TCEA1: variants seen among roughly 807,000 people sequenced by gnomAD.
The protein encoded by TCEA1 is transcription elongation factor A1.
Under a neutral mutation model 43.8 loss-of-function variants are expected in TCEA1, and 21 were observed. That is an observed-to-expected ratio of 0.48 (90% CI 0.34 to 0.69). TCEA1 has a LOEUF of 0.69. TCEA1 is among the 30% of genes least tolerant of loss of function. The probability of loss-of-function intolerance (pLI) is 0.01; values close to 1 mark genes in which losing one functional copy is unlikely to be tolerated. For synonymous variants in TCEA1, 104 were observed against 117.5 expected, an observed-to-expected ratio of 0.88 and a Z score of 0.75; for missense variants, 250 against 365.1, an observed-to-expected ratio of 0.68 and a Z score of 2.57.
chr8:53,973,470 G>A, intron 8 of TCEA1: 1 of 497,366 alleles, frequency 2.0e-6, no homozygotes, highest in South Asian at 1.7e-5. Context: ...CTTTGCTAAA[G>A]AAGTTTAAAA....
intron 2 of TCEA1, among the ~76,000 whole-genome samples, chr8:54,003,380 A>T (rs1291337734): frequency 1.3e-5 from 2 of 152,182 alleles, no homozygotes; most frequent in Non-Finnish European, 2.9e-5. Context: ...TAAAGTCCAT[A>T]CAGAAATGCA....
intron 3 of TCEA1, among the ~76,000 whole-genome samples, chr8:53,994,087 C>T (rs1803968815): frequency 6.6e-6 from 1 of 152,224 alleles, no homozygotes; most frequent in South Asian, 2.1e-4. Context: ...TGCAGTGGCT[C>T]ACGCCTGTAA....
chr8:54,012,873 A>C (rs1563516181), intron 1 of TCEA1, among the ~76,000 whole-genome samples: 1 of 151,610 alleles, frequency 6.6e-6, no homozygotes, highest in Non-Finnish European at 1.5e-5. Flanking sequence ...GCTTGAGATT[A>C]CATGAACCAT....
intron 2 of TCEA1, among the ~76,000 whole-genome samples, chr8:54,006,578 C>T (rs748245313): frequency 6.6e-6 from 1 of 152,182 alleles, no homozygotes; most frequent in Admixed American, 6.5e-5. Flanking sequence ...AATATTAACC[C>T]TATCCAACCT....
chr8:54,002,553 G>T (rs560587521), intron 2 of TCEA1, among the ~76,000 whole-genome samples: 19 of 148,688 alleles, frequency 1.3e-4, no homozygotes, highest in African/African-American at 3.9e-4. Context: ...TTTTTCCTTT[G>T]GGGGTACCAT....
intron 2 of TCEA1, among the ~76,000 whole-genome samples, chr8:54,005,286 T>C (rs1480502970): frequency 6.6e-6 from 1 of 152,208 alleles, no homozygotes; most frequent in Middle Eastern, 3.2e-3. Flanking sequence ...TTCCGTTCCT[T>C]AGTCATATTT....
chr8:54,012,612 G>C (rs1320358699), intron 1 of TCEA1, among the ~76,000 whole-genome samples: 1 of 152,166 alleles, frequency 6.6e-6, no homozygotes, highest in African/African-American at 2.4e-5. Flanking sequence ...GGTTGCTGAA[G>C]TGCCCAAATC....
intron 1 of TCEA1, 91 bp downstream of exon 1, chr8:54,021,972 G>T: frequency 8.0e-7 from 1 of 1,251,606 alleles, no homozygotes; most frequent in Non-Finnish European, 1.0e-6. Flanking sequence ...GGCTGCAGGG[G>T]GAGGGGAGGG....
At chr8:53,977,234 G>A (rs952133821) in intron 8 of TCEA1, among the ~76,000 whole-genome samples, 2 of 152,276 alleles carry the variant, frequency 1.3e-5, no homozygotes, top group East Asian at 1.9e-4. Context: ...GCAGGAGAAC[G>A]GCGTGAACCC....
chr8:53,993,501 A>G (rs903598799), intron 4 of TCEA1, 167 bp downstream of exon 4: 4 of 503,646 alleles, frequency 7.9e-6, no homozygotes, highest in African/African-American at 7.6e-5. Flanking sequence ...TGTTCAAGAA[A>G]TCTGAAAAAA....
At chr8:53,978,627 A>AC (rs1303684896) in intron 8 of TCEA1, 4 of 154,858 alleles carry the variant, frequency 2.6e-5, no homozygotes, top group Non-Finnish European at 5.7e-5. Context: ...CCTAACACTT[A>AC]GTCACAATGC....
chr8:53,972,967 G>A (rs1016343926), intron 8 of TCEA1: 71 of 664,022 alleles, frequency 1.1e-4, no homozygotes, highest in Non-Finnish European at 1.8e-4. Context: ...TGCTGCAATG[G>A]GAACATCAAT....
chr8:53,982,906 C>G (rs527946144), intron 7 of TCEA1, among the ~76,000 whole-genome samples: 6 of 152,322 alleles, frequency 3.9e-5, no homozygotes, highest in African/African-American at 1.4e-4. Flanking sequence ...GACTCCAATT[C>G]TGAAAGAACA....
At chr8:53,975,536 C>T (rs1478247213) in intron 8 of TCEA1, among the ~76,000 whole-genome samples, 2 of 152,088 alleles carry the variant, frequency 1.3e-5, no homozygotes, top group Admixed American at 1.3e-4. Context: ...TATGAACATA[C>T]AATGGAATAT....
intron 2 of TCEA1, chr8:54,009,763 A>T (rs1804588995): frequency 6.6e-6 from 1 of 152,286 alleles, no homozygotes; most frequent in Admixed American, 6.5e-5. Flanking sequence ...ACAGCAGAGT[A>T]GGGTCACTAT....
intron 1 of TCEA1, among the ~76,000 whole-genome samples, chr8:54,017,871 GATC>G (rs1804886113): frequency 6.6e-6 from 1 of 152,154 alleles, no homozygotes. Flanking sequence ...AGTGAGCCAA[GATC>G]ATGCCACCAC....
chr8:53,985,499 G>T (rs1429076061), intron 6 of TCEA1, among the ~76,000 whole-genome samples: 1 of 152,124 alleles, frequency 6.6e-6, no homozygotes, highest in African/African-American at 2.4e-5. Flanking sequence ...TGGTCACACA[G>T]TTCCCACAGG....
At chr8:53,995,115 A>C (rs1018350599) in intron 3 of TCEA1, among the ~76,000 whole-genome samples, 10 of 152,170 alleles carry the variant, frequency 6.6e-5, no homozygotes, top group Admixed American at 3.3e-4. Context: ...AGCCTAGCCA[A>C]TATGGTGAAA....
intron 8 of TCEA1, chr8:53,974,260 A>T (rs1803255472): frequency 6.5e-6 from 1 of 152,962 alleles, no homozygotes. Context: ...AATATACAGA[A>T]ATAGTAGGAG....
Sources: gnomAD v4.1 joint callset for allele counts (sites outside exome capture counted in the v4.1 genomes callset) on GRCh38, gnomAD v4.1.1 for gene constraint, MANE v1.5 for transcripts, NCBI Gene and HGNC (gene_info 2026-07-23, HGNC 2026-07-21) for gene names.